Variants in OSTF1 observed in about 807,000 individuals in gnomAD.
OSTF1 encodes the protein osteoclast-stimulating factor 1.
In OSTF1, 27 loss-of-function variants were observed where a neutral mutation model predicts 37.2. The observed-to-expected ratio is 0.73, with a 90% CI of 0.54 to 1.00. The LOEUF (loss-of-function observed/expected upper bound fraction) is 1.00, where lower values mean the gene tolerates loss of function less well. Among genes scored for constraint, OSTF1 ranks in the 50% least tolerant of loss-of-function variants. The probability of loss-of-function intolerance (pLI) is 0.00; values close to 1 mark genes in which losing one functional copy is unlikely to be tolerated. For synonymous variants in OSTF1, 82 were observed against 89.2 expected (o/e 0.92, Z 0.46); for missense variants, 232 against 253.8 (o/e 0.91, Z 0.58).
chr9:75,109,731 C>CA (rs1176769572), intron 1 of OSTF1, among the ~76,000 whole-genome samples: 2 of 152,046 alleles, frequency 1.3e-5, no homozygotes, highest in African/African-American at 4.8e-5. Flanking sequence ...GTTCCACTCC[C>CA]AAAAATGCAA....
At chr9:75,103,208 A>C (rs1364885553) in intron 1 of OSTF1, among the ~76,000 whole-genome samples, 1 of 152,196 alleles carries the variant, frequency 6.6e-6, no homozygotes, top group African/African-American at 2.4e-5. Context: ...CAGGAGGTTT[A>C]GGAGTTCAAG....
At chr9:75,113,702 A>G (rs1825431976) in intron 1 of OSTF1, among the ~76,000 whole-genome samples, 1 of 152,178 alleles carries the variant, frequency 6.6e-6, no homozygotes, top group Non-Finnish European at 1.5e-5. Context: ...AAAATTGTAT[A>G]CATTATGGTG....
chr9:75,110,720 T>A (rs1294405894), intron 1 of OSTF1, among the ~76,000 whole-genome samples: 1 of 152,074 alleles, frequency 6.6e-6, no homozygotes, highest in Non-Finnish European at 1.5e-5. Flanking sequence ...TCTTTCTTTT[T>A]TTTTTTTTGA....
intron 1 of OSTF1, among the ~76,000 whole-genome samples, chr9:75,100,592 G>A (rs1008065737): frequency 9.9e-5 from 15 of 151,964 alleles, no homozygotes; most frequent in African/African-American, 2.9e-4. Context: ...TAGCCGGGCC[G>A]TGGTGGCGCA....
chr9:75,141,933 G>T (rs1825951080), intron 9 of OSTF1, among the ~76,000 whole-genome samples: 1 of 151,938 alleles, frequency 6.6e-6, no homozygotes, highest in African/African-American at 2.4e-5. Flanking sequence ...TTAATGTAGA[G>T]ATAGGGGTCT....
At position 75,127,568 on chromosome 9, in the gene OSTF1, GC is replaced by G; in HGVS notation, c.83del (p.Pro28GlnfsTer17). On this transcript the variant is annotated frameshift_variant and splice_region_variant, in exon 3 of 10. Coordinates refer to ENST00000346234, the MANE Select transcript of OSTF1 (RefSeq NM_012383.5). LOFTEE classifies it high-confidence loss of function. Reference sequence around the variant, plus strand: ...GAGTCAAACTTTTTTTTTTCTTCTAGCCAGATGAATTATACTTTGAGGAAGG... The same window carrying G: ...GAGTCAAACTTTTTTTTTTCTTCTAGCAGATGAATTATACTTTGAGGAAGG... ...RALYTFEPRT[P>X]DELYFEEGDI... 6.4e-7 allele frequency: 1 copy of G among 1,553,912 alleles called. No individual in the cohort carries two copies. Among genetic ancestry groups the G allele is most frequent in the Non-Finnish European group, 8.7e-7 (1 of 1,143,182 alleles).
chr9:75,122,660 C>G (rs1229603705), intron 2 of OSTF1, among the ~76,000 whole-genome samples: 3 of 152,152 alleles, frequency 2.0e-5, no homozygotes, highest in South Asian at 4.1e-4. Flanking sequence ...ACTTATAGTT[C>G]AAGTCCAGGT....
At chr9:75,132,910 G>A (rs1341326071) in intron 5 of OSTF1, among the ~76,000 whole-genome samples, 1 of 150,944 alleles carries the variant, frequency 6.6e-6, no homozygotes, top group Non-Finnish European at 1.5e-5. Context: ...AGGTTTGATT[G>A]TTTTTTCCTC....
chr9:75,104,426 G>A (rs1422433048), intron 1 of OSTF1, among the ~76,000 whole-genome samples: 2 of 152,070 alleles, frequency 1.3e-5, no homozygotes, highest in African/African-American at 4.8e-5. Flanking sequence ...TGTAATCCCA[G>A]CACTTTGGGA....
chr9:75,141,659 CTG>C (rs771311970), intron 9 of OSTF1, among the ~76,000 whole-genome samples: 4 of 152,160 alleles, frequency 2.6e-5, no homozygotes, highest in Non-Finnish European at 5.9e-5. Context: ...TATCAGTAAA[CTG>C]TAATCAAATT....
intron 1 of OSTF1, among the ~76,000 whole-genome samples, chr9:75,115,433 A>G (rs1438158169): frequency 6.6e-6 from 1 of 152,142 alleles, no homozygotes; most frequent in Non-Finnish European, 1.5e-5. Context: ...CAAGGACTAC[A>G]GGTGCACGCC....
chr9:75,117,873 A>G (rs1230195703), intron 2 of OSTF1, among the ~76,000 whole-genome samples: 2 of 152,168 alleles, frequency 1.3e-5, no homozygotes, highest in Non-Finnish European at 2.9e-5. Flanking sequence ...ACCTTCCTTC[A>G]TTCTCCTCTT....
At chr9:75,108,208 G>A (rs776229737) in intron 1 of OSTF1, among the ~76,000 whole-genome samples, 18 of 151,968 alleles carry the variant, frequency 1.2e-4, no homozygotes, top group Non-Finnish European at 2.4e-4. Flanking sequence ...CTGGGTGACA[G>A]TGAGACCCTG....
intron 1 of OSTF1, among the ~76,000 whole-genome samples, chr9:75,099,900 T>C (rs1310070648): frequency 1.3e-5 from 2 of 152,248 alleles, no homozygotes; most frequent in Non-Finnish European, 1.5e-5. Context: ...TTTAAGGACA[T>C]AGAATTATAC....
At chr9:75,132,845 A>G (rs1173000589) in intron 5 of OSTF1, among the ~76,000 whole-genome samples, 3 of 152,162 alleles carry the variant, frequency 2.0e-5, no homozygotes, top group South Asian at 4.1e-4. Context: ...AGCCTTTCTT[A>G]TAGGAACTGA....
At chr9:75,115,839 C>T (rs1012241017) in intron 1 of OSTF1, among the ~76,000 whole-genome samples, 3 of 152,074 alleles carry the variant, frequency 2.0e-5, no homozygotes, top group Non-Finnish European at 4.4e-5. Context: ...CATGGTGGCT[C>T]ATGCCTGTAA....
chr9:75,115,265 C>A (rs539531965), intron 1 of OSTF1, among the ~76,000 whole-genome samples: 1 of 152,252 alleles, frequency 6.6e-6, no homozygotes, highest in South Asian at 2.1e-4. Context: ...TAACATTCTT[C>A]TAGTGCTGCA....
chr9:75,130,037 G>A (rs1305657417), intron 3 of OSTF1, among the ~76,000 whole-genome samples: 2 of 152,100 alleles, frequency 1.3e-5, no homozygotes, highest in East Asian at 3.8e-4. Flanking sequence ...CAGGAGGGGA[G>A]GGACGTCATG....
chr9:75,098,239 C>G (rs886244341), intron 1 of OSTF1, among the ~76,000 whole-genome samples: 11 of 152,118 alleles, frequency 7.2e-5, no homozygotes, highest in Admixed American at 4.6e-4. Flanking sequence ...CAGTGCTCAG[C>G]AGCATGTGGA....
Sources: gnomAD v4.1 joint callset for allele counts (sites outside exome capture counted in the v4.1 genomes callset) on GRCh38, gnomAD v4.1.1 for gene constraint, MANE v1.5 for transcripts, NCBI Gene and HGNC (gene_info 2026-07-23, HGNC 2026-07-21) for gene names.